Variants in MCUB observed in about 807,000 individuals in gnomAD.
MCUB encodes the protein calcium uniporter regulatory subunit MCUb, mitochondrial.
In MCUB, 46 loss-of-function variants were observed where a neutral mutation model predicts 41.4. The ratio of observed to expected loss-of-function variants is 1.11; its 90% CI spans 0.88 to 1.42. The LOEUF (loss-of-function observed/expected upper bound fraction) is 1.42, where lower values mean the gene tolerates loss of function less well. MCUB is among the 40% of genes most tolerant of loss of function. MCUB has a pLI of 0.00. For missense variants in MCUB, 403 were observed against 404.9 expected, an observed-to-expected ratio of 1.00 and a Z score of 0.04; for synonymous variants, 148 against 148.2, an observed-to-expected ratio of 1.00 and a Z score of 0.01.
chr4:109,681,871 CAGTTTCAAGATTTAAT>C (rs1729724405), intron 4 of MCUB, among the ~76,000 whole-genome samples: 1 of 152,194 alleles, frequency 6.6e-6, no homozygotes, highest in East Asian at 1.9e-4. Context: ...CAGAAGAGTG[CAGTTTCAAGATTTAAT>C]AGTGTGAAAT....
intron 1 of MCUB, among the ~76,000 whole-genome samples, chr4:109,585,798 G>C (rs1194367443): frequency 6.6e-6 from 1 of 152,234 alleles, no homozygotes; most frequent in African/African-American, 2.4e-5. Context: ...CTGGCTTGTA[G>C]AGTTTCTGCC....
chr4:109,567,543 A>C (rs1313267914), intron 1 of MCUB, among the ~76,000 whole-genome samples: 1 of 123,646 alleles, frequency 8.1e-6, no homozygotes, highest in Non-Finnish European at 1.6e-5. Flanking sequence ...ACATGGTGGC[A>C]CGTGCCTGTA....
intron 1 of MCUB, among the ~76,000 whole-genome samples, chr4:109,561,964 G>T (rs956787823): frequency 6.6e-6 from 1 of 152,132 alleles, no homozygotes; most frequent in Non-Finnish European, 1.5e-5. Context: ...GGCCAGACTG[G>T]CTGGTCTCGA....
At chr4:109,641,347 G>A (rs925996306) in intron 1 of MCUB, among the ~76,000 whole-genome samples, 13 of 149,020 alleles carry the variant, frequency 8.7e-5, no homozygotes, top group Middle Eastern at 3.5e-3. Flanking sequence ...CTCGTGATCC[G>A]CCTGCCTCAG....
At position 109,660,178 on chromosome 4, in the gene MCUB, C is replaced by A; in HGVS notation, c.176-17C>A. ...AAGTAAAATTTACTCATTTTTTTTT[C>A]TTTTTTTCCTTAACAGAAATAACAG... On this transcript the variant is annotated splice_polypyrimidine_tract_variant and intron_variant, in intron 2 of 7. Transcript: ENST00000394650. 4 of 1,258,166 alleles carry A rather than the reference C, an allele frequency of 3.2e-6. No homozygotes were observed. The highest frequency in any genetic ancestry group is 4.3e-6 in the Non-Finnish European group (4 of 925,442). The allele number at this position is 1,258,166 out of a possible 1,614,324, so 77.9% of individuals were successfully genotyped here.
intron 1 of MCUB, among the ~76,000 whole-genome samples, chr4:109,614,607 C>T (rs1044784887): frequency 2.0e-5 from 3 of 150,220 alleles, no homozygotes; most frequent in Non-Finnish European, 4.4e-5. Flanking sequence ...GTTGTTTAAG[C>T]CACTTAGTCT....
chr4:109,577,117 G>T (rs1400976630), intron 1 of MCUB, among the ~76,000 whole-genome samples: 1 of 152,216 alleles, frequency 6.6e-6, no homozygotes, highest in African/African-American at 2.4e-5. Context: ...CTCCCAAAGT[G>T]CTGGGATTAC....
chr4:109,581,847 T>C (rs1727184966), intron 1 of MCUB, among the ~76,000 whole-genome samples: 1 of 152,180 alleles, frequency 6.6e-6, no homozygotes, highest in South Asian at 2.1e-4. Flanking sequence ...TCACACCAGT[T>C]AGAATGGTGA....
chr4:109,600,038 T>G (rs1475580593), intron 1 of MCUB, among the ~76,000 whole-genome samples: 2 of 152,194 alleles, frequency 1.3e-5, no homozygotes, highest in Non-Finnish European at 2.9e-5. Context: ...TGAGGTATCT[T>G]GGAGATGCAA....
chr4:109,589,810 C>T (rs377655122), intron 1 of MCUB, among the ~76,000 whole-genome samples: 1 of 152,172 alleles, frequency 6.6e-6, no homozygotes, highest in Non-Finnish European at 1.5e-5. Context: ...GTGGGTGCTC[C>T]GTGCATACTA....
At chr4:109,621,622 T>C (rs1728251793) in intron 1 of MCUB, among the ~76,000 whole-genome samples, 2 of 152,192 alleles carry the variant, frequency 1.3e-5, no homozygotes, top group South Asian at 2.1e-4. Flanking sequence ...TGTTCTACAG[T>C]GGCCGTACAC....
chr4:109,653,665 C>T (rs1334726970), intron 1 of MCUB, among the ~76,000 whole-genome samples: 3 of 152,172 alleles, frequency 2.0e-5, no homozygotes, highest in Non-Finnish European at 4.4e-5. Flanking sequence ...CAAACTCCAC[C>T]TCCCGGGTTC....
At chr4:109,639,350 C>CTTTTT (rs34320513) in intron 1 of MCUB, among the ~76,000 whole-genome samples, 3 of 147,470 alleles carry the variant, frequency 2.0e-5, no homozygotes, top group Non-Finnish European at 4.5e-5. Context: ...GAAAGGAATC[C>CTTTTT]TTTTTTTTTT....
At chr4:109,566,117 A>G (rs1254879165) in intron 1 of MCUB, among the ~76,000 whole-genome samples, 1 of 151,122 alleles carries the variant, frequency 6.6e-6, no homozygotes, top group African/African-American at 2.4e-5. Context: ...TGGCCACCCA[A>G]AGTGCTGGGA....
intron 4 of MCUB, among the ~76,000 whole-genome samples, chr4:109,669,156 A>G (rs1200830990): frequency 2.6e-5 from 4 of 152,068 alleles, no homozygotes; most frequent in African/African-American, 4.8e-5. Context: ...TTTCCAACCT[A>G]TATCATCTTG....
chr4:109,629,036 TTAGG>T (rs1728420242), intron 1 of MCUB, among the ~76,000 whole-genome samples: 1 of 152,234 alleles, frequency 6.6e-6, no homozygotes, highest in Admixed American at 6.5e-5. Context: ...GTGGGACCTG[TTAGG>T]TAGGGTCTTA....
At chr4:109,586,069 C>G (rs1164872649) in intron 1 of MCUB, among the ~76,000 whole-genome samples, 2 of 152,218 alleles carry the variant, frequency 1.3e-5, no homozygotes, top group Admixed American at 6.5e-5. Flanking sequence ...TCCATTCTCC[C>G]TGTCACTTTC....
chr4:109,664,587 G>T (rs991154781), intron 4 of MCUB, among the ~76,000 whole-genome samples, 193 bp downstream of exon 4: 2 of 152,012 alleles, frequency 1.3e-5, no homozygotes, highest in African/African-American at 4.8e-5. Flanking sequence ...ACCATGCCTG[G>T]CTAATTTTTT....
At chr4:109,585,800 G>A in intron 1 of MCUB, among the ~76,000 whole-genome samples, 1 of 152,242 alleles carries the variant, frequency 6.6e-6, no homozygotes, top group East Asian at 1.9e-4. Context: ...GGCTTGTAGA[G>A]TTTCTGCCGA....
Sources: gnomAD v4.1 joint callset for allele counts (sites outside exome capture counted in the v4.1 genomes callset) on GRCh38, gnomAD v4.1.1 for gene constraint, MANE v1.5 for transcripts, NCBI Gene and HGNC (gene_info 2026-07-23, HGNC 2026-07-21) for gene names.